CNIH3: variants seen among roughly 807,000 people sequenced by gnomAD.
The protein encoded by CNIH3 is protein cornichon homolog 3.
CNIH3 carries 14 observed loss-of-function variants against 24.1 expected under a neutral mutation model. The ratio of observed to expected loss-of-function variants is 0.58; its 90% CI spans 0.38 to 0.91. The LOEUF (loss-of-function observed/expected upper bound fraction) is 0.91. Among genes scored for constraint, CNIH3 ranks in the 40% least tolerant of loss-of-function variants. The pLI, the probability that CNIH3 is intolerant of heterozygous loss-of-function variation, is 0.00. For synonymous variants in CNIH3, 68 were observed against 73.8 expected, an observed-to-expected ratio of 0.92 and a Z score of 0.40; for missense variants, 178 against 196.8, an observed-to-expected ratio of 0.90 and a Z score of 0.57.
intron 4 of CNIH3, among the ~76,000 whole-genome samples, chr1:224,569,731 A>T (rs1396971367): frequency 6.6e-6 from 1 of 152,078 alleles, no homozygotes; most frequent in East Asian, 1.9e-4. Context: ...GGTATGAAAT[A>T]GTATCTTATT....
At chr1:224,542,055 A>G (rs1198812908), downstream of CNIH3, among the ~76,000 whole-genome samples, 2 of 152,126 alleles carry the variant, frequency 1.3e-5, no homozygotes, top group Non-Finnish European at 2.9e-5. Flanking sequence ...CCTCCATAGA[A>G]TGGCTTCACA....
intron 1 of CNIH3, among the ~76,000 whole-genome samples, chr1:224,516,719 G>T (rs1271598501): frequency 3.3e-5 from 5 of 152,220 alleles, no homozygotes; most frequent in African/African-American, 4.8e-5. Flanking sequence ...AAGCCATTCG[G>T]CGCCTGCCAT....
At chr1:224,626,850 T>C (rs1330047972) in intron 1 of CNIH3, among the ~76,000 whole-genome samples, 1 of 152,232 alleles carries the variant, frequency 6.6e-6, no homozygotes, top group Non-Finnish European at 1.5e-5. Context: ...CCTTCTTGCC[T>C]CTTGGATCTA....
chr1:224,675,626 C>CA (rs535758165), intron 1 of CNIH3, among the ~76,000 whole-genome samples: 140 of 152,120 alleles, frequency 9.2e-4, no homozygotes, highest in African/African-American at 3.3e-3. Context: ...TCATCAGTAA[C>CA]AAAAAAACCA....
chr1:224,618,077 GT>G (rs927925785), intron 1 of CNIH3, among the ~76,000 whole-genome samples: 8 of 152,232 alleles, frequency 5.3e-5, no homozygotes, highest in African/African-American at 9.6e-5. Context: ...TTAGGTGTGG[GT>G]GGGAATAGAG....
At chr1:224,482,782 T>C (rs1676866799) in intron 1 of CNIH3, among the ~76,000 whole-genome samples, 1 of 152,114 alleles carries the variant, frequency 6.6e-6, no homozygotes, top group Non-Finnish European at 1.5e-5. Context: ...CTCAGGTCCT[T>C]TGGCTCTGAG....
At chr1:224,665,264 A>G (rs1440764552) in intron 1 of CNIH3, among the ~76,000 whole-genome samples, 1 of 152,142 alleles carries the variant, frequency 6.6e-6, no homozygotes, top group Non-Finnish European at 1.5e-5. Flanking sequence ...TTTAGTGAAG[A>G]GATAATTTGC....
chr1:224,673,012 T>C (rs989357055), intron 1 of CNIH3, among the ~76,000 whole-genome samples: 21 of 152,186 alleles, frequency 1.4e-4, no homozygotes, highest in African/African-American at 5.1e-4. Flanking sequence ...TATGACTTGC[T>C]AGGATTCATG....
At chr1:224,718,721 C>T (rs1159910655) in intron 3 of CNIH3, among the ~76,000 whole-genome samples, 3 of 152,006 alleles carry the variant, frequency 2.0e-5, no homozygotes, top group African/African-American at 7.3e-5. Flanking sequence ...CAGTTCCTTC[C>T]TCCTGTGTGA....
intron 3 of CNIH3, among the ~76,000 whole-genome samples, chr1:224,601,141 G>C (rs1682189874): frequency 6.6e-6 from 1 of 152,218 alleles, no homozygotes; most frequent in Non-Finnish European, 1.5e-5. Flanking sequence ...CAACTTGAGA[G>C]ATTCAAGTGC....
chr1:224,602,588 G>T (rs1004743119), intron 3 of CNIH3, among the ~76,000 whole-genome samples: 1 of 152,166 alleles, frequency 6.6e-6, no homozygotes, highest in African/African-American at 2.4e-5. Context: ...TTACTTGGAA[G>T]TGACCCCTGT....
At chr1:224,663,513 A>G (rs1315864707) in intron 1 of CNIH3, among the ~76,000 whole-genome samples, 1 of 152,162 alleles carries the variant, frequency 6.6e-6, no homozygotes, top group Non-Finnish European at 1.5e-5. Context: ...CCCAAAATTG[A>G]GAGGAGCAGT....
At chr1:224,616,315 T>A, upstream of CNIH3, 1 of 293,536 alleles carries the variant, frequency 3.4e-6, no homozygotes, top group Non-Finnish European at 5.5e-6. Flanking sequence ...GCTACAGTTC[T>A]CGCAGTGGCA....
chr1:224,737,489 G>A (rs1689655131), intron 5 of CNIH3, among the ~76,000 whole-genome samples: 1 of 150,992 alleles, frequency 6.6e-6, no homozygotes, highest in Non-Finnish European at 1.5e-5. Flanking sequence ...GTGCTCTTTG[G>A]GGCTGCTTAA....
At chr1:224,715,064 G>A (rs550382623) in intron 3 of CNIH3, among the ~76,000 whole-genome samples, 77 of 152,206 alleles carry the variant, frequency 5.1e-4, no homozygotes, top group African/African-American at 1.8e-3. Flanking sequence ...GTTCACACGC[G>A]TCTCCCTAGT....
At chr1:224,553,886 G>T (rs1357972340) in intron 3 of CNIH3, among the ~76,000 whole-genome samples, 1 of 151,012 alleles carries the variant, frequency 6.6e-6, no homozygotes, top group Admixed American at 6.6e-5. Flanking sequence ...ATCCTCTATG[G>T]GTCTATAAAA....
chr1:224,442,676 A>G (rs1674970908), intron 1 of CNIH3, among the ~76,000 whole-genome samples: 1 of 152,162 alleles, frequency 6.6e-6, no homozygotes, highest in African/African-American at 2.4e-5. Context: ...CTTCCCATCA[A>G]CCTTATGAAG....
chr1:224,668,088 G>A (rs953993210), intron 1 of CNIH3, among the ~76,000 whole-genome samples: 1 of 152,198 alleles, frequency 6.6e-6, no homozygotes, highest in Admixed American at 6.5e-5. Flanking sequence ...TAATTGCCAA[G>A]GATGGAGCAA....
At chr1:224,538,352 G>GT (rs1679374499), downstream of CNIH3, among the ~76,000 whole-genome samples, 1 of 152,142 alleles carries the variant, frequency 6.6e-6, no homozygotes. Flanking sequence ...GAATGTGGTA[G>GT]TTTTTGGCAC....
Sources: gnomAD v4.1 joint callset for allele counts (sites outside exome capture counted in the v4.1 genomes callset) on GRCh38, gnomAD v4.1.1 for gene constraint, MANE v1.5 for transcripts, NCBI Gene and HGNC (gene_info 2026-07-23, HGNC 2026-07-21) for gene names.